Variants in PTPRD observed in about 807,000 individuals in gnomAD.
PTPRD encodes the protein receptor-type tyrosine-protein phosphatase delta.
PTPRD carries 34 observed loss-of-function variants against 214.5 expected under a neutral mutation model. The observed-to-expected ratio is 0.16, with a 90% CI of 0.12 to 0.21. PTPRD has a LOEUF of 0.21. Ranked by LOEUF, PTPRD falls within the 10% of genes least tolerant of loss-of-function variation. The pLI, the probability that PTPRD is intolerant of heterozygous loss-of-function variation, is 1.00. For synonymous variants in PTPRD, 1,128 were observed against 845.7 expected (o/e 1.33, Z -5.79); for missense variants, 2,545 against 2,398.7 (o/e 1.06, Z -1.27).
At chr9:9,942,077 A>T (rs2091604274) in intron 4 of PTPRD, among the ~76,000 whole-genome samples, 1 of 152,210 alleles carries the variant, frequency 6.6e-6, no homozygotes, top group Non-Finnish European at 1.5e-5. Flanking sequence ...GCCACAGGAA[A>T]TAGTACACAG....
chr9:9,914,759 C>G (rs1044117833), intron 5 of PTPRD, among the ~76,000 whole-genome samples: 1 of 152,180 alleles, frequency 6.6e-6, no homozygotes, highest in African/African-American at 2.4e-5. Context: ...GCCAGCTGAG[C>G]CTGCTTGTGC....
intron 3 of PTPRD, among the ~76,000 whole-genome samples, chr9:10,278,912 C>G (rs1204891361): frequency 2.6e-5 from 4 of 151,948 alleles, no homozygotes; most frequent in East Asian, 1.9e-4. Context: ...GTAGCTGGGA[C>G]TACAGGCACA....
In PTPRD at chr9:9,089,720, G is replaced by A. The variant is rs190768382; in HGVS notation, c.-142-70985C>T. The stretch of plus-strand genomic sequence containing the variant: ...TTTTATAATGCAGAGTAAGAACGAA[G>A]GGTTGGTGTAGAAGGGTAATGTCAA... On this transcript the variant is annotated intron_variant, in intron 10 of 45. Coordinates refer to ENST00000381196, the MANE Select transcript of PTPRD (RefSeq NM_002839.4). 3.7e-3 allele frequency among the ~76,000 whole-genome samples: 563 copies of A among 152,280 alleles called. 8 individuals carry two copies. Among genetic ancestry groups the A allele is most frequent in the South Asian group, 0.011 (54 of 4,824 alleles).
chr9:8,830,027 C>G (rs769909584), intron 11 of PTPRD, among the ~76,000 whole-genome samples: 2 of 152,006 alleles, frequency 1.3e-5, no homozygotes, highest in African/African-American at 2.4e-5. Flanking sequence ...AGATTAAATA[C>G]CAAAGTTTGA....
chr9:9,300,885 C>T lies in PTPRD; in HGVS notation c.-203+96564G>A, dbSNP rs201708915. On this transcript the variant is annotated intron_variant, in intron 9 of 45. Transcript: ENST00000381196. The stretch of plus-strand genomic sequence containing the variant: ...TAGGGGTACTTGCTTTAATCTTTTA[C>T]GCATATTGTTATTTATATCACTTAA... Among the ~76,000 whole-genome samples the T allele has an allele frequency of 7.8e-4, 118 of 151,938 alleles. 1 individual carries two copies. Among genetic ancestry groups the T allele is most frequent in the African/African-American group, 2.5e-3 (103 of 41,518 alleles).
chr9:8,951,195 C>G lies in PTPRD; in HGVS notation c.-104+67502G>C, dbSNP rs1013445312. Among the ~76,000 whole-genome samples, 16 of 147,030 alleles carry G rather than the reference C, an allele frequency of 1.1e-4. 1 individual carries two copies. The highest frequency in any genetic ancestry group is 1.7e-4 in the Non-Finnish European group (11 of 66,526). The stretch of plus-strand genomic sequence containing the variant: ...AGAGAGGAAGAGGAGAAACAGAAAG[C>G]AATTAATGGTAGACATCAACTACTT... On this transcript the variant is annotated intron_variant, in intron 11 of 45. Coordinates refer to ENST00000381196, the MANE Select transcript of PTPRD (RefSeq NM_002839.4).
intron 9 of PTPRD, among the ~76,000 whole-genome samples, chr9:9,379,190 T>C (rs2061528924): frequency 7.3e-6 from 1 of 137,344 alleles, no homozygotes; most frequent in Non-Finnish European, 1.6e-5. Context: ...CATAGGTCTA[T>C]GTTGAGATAT....
At chr9:9,394,617 G>C (rs1226621260) in intron 9 of PTPRD, among the ~76,000 whole-genome samples, 1 of 152,036 alleles carries the variant, frequency 6.6e-6, no homozygotes. Context: ...ATGAAACTCT[G>C]AACAGTGCCT....
chr9:9,916,320 A>G (rs1339758831), intron 5 of PTPRD, among the ~76,000 whole-genome samples: 3 of 151,978 alleles, frequency 2.0e-5, no homozygotes, highest in Admixed American at 6.6e-5. Flanking sequence ...AGAAAGAGAA[A>G]AGAATAAAAC....
chr9:9,466,910 T>C (rs2094202528), intron 8 of PTPRD, among the ~76,000 whole-genome samples: 1 of 152,148 alleles, frequency 6.6e-6, no homozygotes. Flanking sequence ...AGTTAGCTTG[T>C]CAAGTACTGA....
At chr9:10,526,590 T>C (rs75678898) in intron 2 of PTPRD, among the ~76,000 whole-genome samples, 5,315 of 152,174 alleles carry the variant, frequency 0.035, 121 homozygotes, top group South Asian at 0.067. Flanking sequence ...ATAACCAATC[T>C]CTTCATTCTC....
chr9:10,092,630 G>C (rs550577964), intron 3 of PTPRD, among the ~76,000 whole-genome samples: 4 of 151,296 alleles, frequency 2.6e-5, no homozygotes, highest in East Asian at 3.9e-4. Context: ...ATTCAAAAAA[G>C]AGCCCAAATA....
At chr9:10,591,792 C>A (rs1418752533) in intron 2 of PTPRD, among the ~76,000 whole-genome samples, 2 of 152,072 alleles carry the variant, frequency 1.3e-5, no homozygotes, top group Non-Finnish European at 2.9e-5. Flanking sequence ...GCATTTCTTT[C>A]TGTTGCTCAT....
At chr9:9,557,861 G>A (rs2081924265) in intron 8 of PTPRD, among the ~76,000 whole-genome samples, 1 of 152,126 alleles carries the variant, frequency 6.6e-6, no homozygotes, top group Non-Finnish European at 1.5e-5. Flanking sequence ...AACACTCAGG[G>A]GCTATAGGCA....
At chr9:8,323,436 T>G (rs1188679426) in intron 44 of PTPRD, among the ~76,000 whole-genome samples, 1 of 152,196 alleles carries the variant, frequency 6.6e-6, no homozygotes, top group African/African-American at 2.4e-5. Flanking sequence ...AATTGAAAAT[T>G]TACTGGAAGT....
At chr9:9,840,323 T>C (rs1192510201) in intron 5 of PTPRD, among the ~76,000 whole-genome samples, 2 of 152,136 alleles carry the variant, frequency 1.3e-5, no homozygotes, top group Non-Finnish European at 2.9e-5. Context: ...TTTTCTAGTA[T>C]ATTACTTTTA....
intron 5 of PTPRD, among the ~76,000 whole-genome samples, chr9:9,917,810 C>T (rs1026428426): frequency 6.6e-6 from 1 of 151,952 alleles, no homozygotes; most frequent in Non-Finnish European, 1.5e-5. Context: ...AAATGTGATA[C>T]ATCACATTTG....
intron 11 of PTPRD, among the ~76,000 whole-genome samples, chr9:8,827,330 G>A (rs1171699424): frequency 1.3e-5 from 2 of 152,096 alleles, no homozygotes; most frequent in African/African-American, 4.8e-5. Context: ...TTTTAGACCA[G>A]GTGAGGTGGC....
intron 11 of PTPRD, among the ~76,000 whole-genome samples, chr9:8,837,529 G>GTC (rs2097457893): frequency 6.8e-6 from 1 of 146,734 alleles, no homozygotes; most frequent in Non-Finnish European, 1.5e-5. Flanking sequence ...TTGAGAAGAG[G>GTC]TCTCACTCTG....
Sources: allele counts gnomAD v4.1 joint callset (sites outside exome capture counted in the v4.1 genomes callset), GRCh38; gene constraint gnomAD v4.1.1; transcripts MANE v1.5; gene names NCBI Gene and HGNC (gene_info 2026-07-23, HGNC 2026-07-21).